SMAD3: variants seen among roughly 807,000 people sequenced by gnomAD.
SMAD3 encodes the protein SMAD family member 3, also known as MAD homolog 3.
A neutral mutation model predicts 51.8 loss-of-function variants in SMAD3; 12 were observed. The ratio of observed to expected loss-of-function variants is 0.23; its 90% CI spans 0.15 to 0.38. The LOEUF (loss-of-function observed/expected upper bound fraction) is 0.38, where lower values mean the gene tolerates loss of function less well. SMAD3 is among the 10% of genes least tolerant of loss of function. SMAD3 has a pLI of 1.00. For missense variants in SMAD3, 294 were observed against 565.6 expected, an observed-to-expected ratio of 0.52 and a Z score of 4.87; for synonymous variants, 238 against 227.7, an observed-to-expected ratio of 1.05 and a Z score of -0.41.
intron 1 of SMAD3, among the ~76,000 whole-genome samples, chr15:67,097,682 G>C (rs1960644369): frequency 6.6e-6 from 1 of 152,172 alleles, no homozygotes; most frequent in African/African-American, 2.4e-5. Context: ...TGAGAGCAGG[G>C]GGAGGAGTAA....
chr15:67,076,997 G>A (rs1960184231), intron 1 of SMAD3, among the ~76,000 whole-genome samples: 1 of 152,188 alleles, frequency 6.6e-6, no homozygotes, highest in Admixed American at 6.5e-5. Context: ...GGTGCTAGGG[G>A]TGGGCTGAGA....
chr15:67,174,722 TC>T (rs1223700337), intron 5 of SMAD3: 1 of 152,100 alleles, frequency 6.6e-6, no homozygotes, highest in African/African-American at 2.4e-5. Flanking sequence ...AGGGAGCTCT[TC>T]CTAGGAAAAA....
intron 5 of SMAD3, among the ~76,000 whole-genome samples, chr15:67,176,688 C>T (rs1962905099): frequency 6.6e-6 from 1 of 152,168 alleles, no homozygotes; most frequent in Non-Finnish European, 1.5e-5. Context: ...GGACTGAAAA[C>T]TGAGGCCAGC....
At position 67,122,293 on chromosome 15, in the gene SMAD3, T is replaced by A. The variant is rs75294362; in HGVS notation, c.207-42602T>A. On this transcript the variant is annotated intron_variant, in intron 1 of 8. Transcript: ENST00000327367. ...TTGATCTGTAGGCTTCAGGGACTCTTCAGTTAGCCTGGGGGTACTGTGCGG... is the reference window on the plus strand; with the variant it reads ...TTGATCTGTAGGCTTCAGGGACTCTACAGTTAGCCTGGGGGTACTGTGCGG... 1.9e-3 allele frequency among the ~76,000 whole-genome samples: 292 copies of A among 152,342 alleles called. 2 individuals are homozygous for A. Among genetic ancestry groups the A allele is most frequent in the Middle Eastern group, 0.01 (3 of 294 alleles).
chr15:67,120,778 G>A (rs369048825), intron 1 of SMAD3, among the ~76,000 whole-genome samples: 16 of 152,222 alleles, frequency 1.1e-4, no homozygotes, highest in African/African-American at 2.2e-4. Flanking sequence ...CCTCTGGCCC[G>A]TGGGCCGCAT....
chr15:67,162,455 C>G (rs1314260268), intron 1 of SMAD3, among the ~76,000 whole-genome samples: 1 of 152,240 alleles, frequency 6.6e-6, no homozygotes, highest in African/African-American at 2.4e-5. Context: ...TCTATCCCTG[C>G]TACCCGCAAT....
intron 5 of SMAD3, among the ~76,000 whole-genome samples, chr15:67,177,615 G>A (rs1962940604): frequency 1.3e-5 from 2 of 151,906 alleles, no homozygotes; most frequent in Non-Finnish European, 2.9e-5. Flanking sequence ...TAGAGACGGG[G>A]TTTCGCCAGG....
rs57597599 is a variant in SMAD3, at chr15:67,162,946, GTGATGA to G, written c.207-1911_207-1906del. Among the ~76,000 whole-genome samples, 1,251 of 145,380 alleles carry G rather than the reference GTGATGA, an allele frequency of 8.6e-3. 7 individuals carry two copies. Among genetic ancestry groups the G allele is most frequent in the Middle Eastern group, 0.021 (6 of 290 alleles). On this transcript the variant is annotated intron_variant, in intron 1 of 8. Coordinates refer to ENST00000327367, the MANE Select transcript of SMAD3 (RefSeq NM_005902.4). ...TCATTGTGTGTAATTGTAGGTTTCT[GTGATGA>G]TGATGATGATGATGATGATGATGAT...
At chr15:67,170,181 C>T (rs1962708348) in intron 4 of SMAD3, among the ~76,000 whole-genome samples, 1 of 152,190 alleles carries the variant, frequency 6.6e-6, no homozygotes, top group Non-Finnish European at 1.5e-5. Context: ...TCTCATTTTC[C>T]TGAGGGCATA....
intron 5 of SMAD3, among the ~76,000 whole-genome samples, chr15:67,172,776 T>C (rs1286497989): frequency 6.6e-6 from 1 of 152,210 alleles, no homozygotes. Context: ...TGCACTCCCA[T>C]TGTGGCATGA....
rs1400175383 is a variant in SMAD3, at chr15:67,195,135, T to C, written c.*4599T>C. ...GTCCTCTCATTCCCTCTCTTCCTCTTGTAAGTGCCCTTCTAATAAACTTTT... is the reference window on the plus strand; with the variant it reads ...GTCCTCTCATTCCCTCTCTTCCTCTCGTAAGTGCCCTTCTAATAAACTTTT... On this transcript the variant is annotated 3_prime_UTR_variant, in exon 9 of 9. Coordinates refer to ENST00000327367, the MANE Select transcript of SMAD3 (RefSeq NM_005902.4). 1.3e-5 allele frequency: 3 copies of C among 232,950 alleles called. No individual in the cohort carries two copies. The highest frequency in any genetic ancestry group is 4.4e-5 in the African/African-American group (2 of 45,306). 14.4% of individuals were successfully genotyped at this position (232,950 alleles called of 1,614,324 possible). A position where few individuals can be genotyped will look rare whatever the true frequency, so the allele number is the denominator to read the frequency against.
chr15:67,088,924 C>G (rs1053983965), intron 1 of SMAD3, among the ~76,000 whole-genome samples: 3 of 151,954 alleles, frequency 2.0e-5, no homozygotes, highest in African/African-American at 7.3e-5. Context: ...CAGACTCTGT[C>G]TTAAAAAAAA....
chr15:67,175,769 G>A (rs144624242), intron 5 of SMAD3, among the ~76,000 whole-genome samples: 1 of 152,302 alleles, frequency 6.6e-6, no homozygotes, highest in East Asian at 1.9e-4. Context: ...GTGGCAGGGC[G>A]GCCCGAAGAC....
chr15:67,096,523 T>G (rs1446531647), intron 1 of SMAD3, among the ~76,000 whole-genome samples: 2 of 152,230 alleles, frequency 1.3e-5, no homozygotes, highest in Non-Finnish European at 2.9e-5. Flanking sequence ...ATTTAAAATT[T>G]TAATGTTGCT....
At chr15:67,153,204 CT>C (rs1224935627) in intron 1 of SMAD3, among the ~76,000 whole-genome samples, 1 of 152,072 alleles carries the variant, frequency 6.6e-6, no homozygotes, top group Non-Finnish European at 1.5e-5. Context: ...TAAATTGCTT[CT>C]GTTTGGCCAG....
chr15:67,115,607 C>G (rs1208738240), intron 1 of SMAD3, among the ~76,000 whole-genome samples: 1 of 151,228 alleles, frequency 6.6e-6, no homozygotes, highest in African/African-American at 2.5e-5. Flanking sequence ...GAGACATGCC[C>G]TCTGGGCCGT....
At chr15:67,138,419 G>C in intron 1 of SMAD3, 1 of 350,152 alleles carries the variant, frequency 2.9e-6, no homozygotes, top group Admixed American at 4.0e-5. Flanking sequence ...TCCAGAGTGT[G>C]GGGAGAGCGT....
At chr15:67,143,848 C>T (rs1039330670) in intron 1 of SMAD3, among the ~76,000 whole-genome samples, 13 of 151,442 alleles carry the variant, frequency 8.6e-5, no homozygotes, top group African/African-American at 3.2e-4. Context: ...ATGTGATCTG[C>T]AACCTCCGCC....
chr15:67,139,876 T>C (rs1961771250), intron 1 of SMAD3, among the ~76,000 whole-genome samples: 1 of 152,120 alleles, frequency 6.6e-6, no homozygotes, highest in East Asian at 1.9e-4. Flanking sequence ...CCCAGCACTT[T>C]GGGAGGCCGA....
Sources: allele counts gnomAD v4.1 joint callset (sites outside exome capture counted in the v4.1 genomes callset), GRCh38; gene constraint gnomAD v4.1.1; transcripts MANE v1.5; gene names NCBI Gene and HGNC (gene_info 2026-07-23, HGNC 2026-07-21).